SULT1E1: variants seen among roughly 807,000 people sequenced by gnomAD.
SULT1E1 encodes sulfotransferase family 1E member 1, also known as sulfotransferase 1E1.
SULT1E1 carries 36 observed loss-of-function variants against 33.6 expected under a neutral mutation model. The observed-to-expected ratio is 1.07, with a 90% CI of 0.82 to 1.41. The LOEUF (loss-of-function observed/expected upper bound fraction) is 1.41. SULT1E1 is among the 40% of genes most tolerant of loss of function. SULT1E1 has a pLI of 0.00. For synonymous variants in SULT1E1, 121 were observed against 111.7 expected (o/e 1.08, Z -0.53); for missense variants, 371 against 345.7 (o/e 1.07, Z -0.58).
chr4:69,857,656 G>GA lies in SULT1E1; in HGVS notation c.-9-4dup, dbSNP rs760367905. On this transcript the variant is annotated splice_region_variant and splice_polypyrimidine_tract_variant and intron_variant, in intron 1 of 7. Coordinates refer to ENST00000226444, the MANE Select transcript of SULT1E1 (RefSeq NM_005420.3). Reference sequence around the variant, plus strand: ...AGTTCAGAATTCATTGTGGTACACTGAAAAAAAACCTCTGCTTTATACTTT... The same window carrying GA: ...AGTTCAGAATTCATTGTGGTACACTGAAAAAAAAACCTCTGCTTTATACTTT... The GA allele has an allele frequency of 3.1e-5, 49 of 1,574,214 alleles. No homozygotes were observed. The highest frequency in any genetic ancestry group is 1.2e-4 in the Admixed American group (6 of 49,496).
intron 6 of SULT1E1, among the ~76,000 whole-genome samples, chr4:69,844,586 T>A (rs1389545135): frequency 3.3e-5 from 5 of 152,138 alleles, no homozygotes; most frequent in African/African-American, 1.2e-4. Context: ...TGTGAATGCT[T>A]ATTGTAGTCC....
chr4:69,852,002 A>C (rs556233378), intron 4 of SULT1E1, among the ~76,000 whole-genome samples: 2 of 152,264 alleles, frequency 1.3e-5, no homozygotes, highest in African/African-American at 2.4e-5. Context: ...GAGGGACAGC[A>C]TTAGAAGATA....
At chr4:69,854,110 C>T in intron 4 of SULT1E1, 107 bp downstream of exon 4, 1 of 685,668 alleles carries the variant, frequency 1.5e-6, no homozygotes, top group South Asian at 2.5e-5. Context: ...TGTTAAGTGT[C>T]TATAGATTCA....
the SULT1E1 span, among the ~76,000 whole-genome samples, chr4:69,834,991 T>C: frequency 6.6e-6 from 1 of 152,082 alleles, no homozygotes; most frequent in Admixed American, 6.6e-5. Context: ...AGTCAAAAAT[T>C]TTATATTCTT....
At chr4:69,833,488 T>C in the SULT1E1 span, among the ~76,000 whole-genome samples, 1 of 152,182 alleles carries the variant, frequency 6.6e-6, no homozygotes, top group South Asian at 2.1e-4. Flanking sequence ...GTCTGGTTCC[T>C]TCATAAACAA....
chr4:69,859,972 T>C (rs1156337510), intron 1 of SULT1E1, 77 bp downstream of exon 1: 2 of 152,052 alleles, frequency 1.3e-5, no homozygotes, highest in African/African-American at 2.4e-5. Flanking sequence ...TTTAAGAGCT[T>C]TGTAATACAT....
the SULT1E1 span, among the ~76,000 whole-genome samples, chr4:69,835,747 T>C: frequency 6.6e-6 from 1 of 152,226 alleles, no homozygotes; most frequent in Non-Finnish European, 1.5e-5. Context: ...ATACGTATCC[T>C]TGGGCAAATG....
the SULT1E1 span, among the ~76,000 whole-genome samples, chr4:69,827,192 G>A: frequency 6.6e-6 from 1 of 152,176 alleles, no homozygotes; most frequent in Non-Finnish European, 1.5e-5. Context: ...CACTTGGAGA[G>A]ATGTCATGCT....
intron 6 of SULT1E1, among the ~76,000 whole-genome samples, chr4:69,846,404 A>G (rs1382546932): frequency 2.7e-5 from 4 of 150,694 alleles, no homozygotes; most frequent in Non-Finnish European, 5.9e-5. Context: ...ATGAATCTCT[A>G]GACAACATAT....
intron 4 of SULT1E1, among the ~76,000 whole-genome samples, chr4:69,853,679 A>G (rs1034783138): frequency 1.3e-5 from 2 of 152,170 alleles, no homozygotes; most frequent in African/African-American, 4.8e-5. Flanking sequence ...CCATGAAGAC[A>G]AGGCTTGCAT....
At chr4:69,836,954 G>A (rs1720806606), downstream of SULT1E1, among the ~76,000 whole-genome samples, 1 of 152,130 alleles carries the variant, frequency 6.6e-6, no homozygotes, top group South Asian at 2.1e-4. Context: ...ATGGTAGCAT[G>A]TGCCTATAGT....
At chr4:69,838,822 A>G (rs995123670), downstream of SULT1E1, among the ~76,000 whole-genome samples, 4 of 152,158 alleles carry the variant, frequency 2.6e-5, no homozygotes, top group African/African-American at 7.2e-5. Flanking sequence ...CTCCACTCCA[A>G]AGTTACTCTT....
At chr4:69,821,454 G>C in the SULT1E1 span, among the ~76,000 whole-genome samples, 1 of 152,168 alleles carries the variant, frequency 6.6e-6, no homozygotes, top group Non-Finnish European at 1.5e-5. Flanking sequence ...ACACAGATAT[G>C]AAAGGGCTGG....
chr4:69,847,131 T>C (rs1720991971), intron 6 of SULT1E1, among the ~76,000 whole-genome samples: 1 of 151,826 alleles, frequency 6.6e-6, no homozygotes, highest in African/African-American at 2.4e-5. Flanking sequence ...AATAATTCAC[T>C]ATGTAGCCAT....
chr4:69,840,842 C>T (rs565646908), downstream of SULT1E1, among the ~76,000 whole-genome samples: 47 of 152,084 alleles, frequency 3.1e-4, no homozygotes, highest in East Asian at 8.7e-3. Flanking sequence ...GTCAGGAGAT[C>T]GAGACCATCC....
intron 3 of SULT1E1, 56 bp downstream of exon 3, chr4:69,855,245 T>C: frequency 1.3e-6 from 2 of 1,556,386 alleles, no homozygotes; most frequent in South Asian, 2.4e-5. Flanking sequence ...TTGTACCATG[T>C]ACATACACAC....
At chr4:69,827,377 C>T in the SULT1E1 span, among the ~76,000 whole-genome samples, 65 of 151,974 alleles carry the variant, frequency 4.3e-4, no homozygotes, top group Non-Finnish European at 3.4e-4. Flanking sequence ...ACTGGGACCT[C>T]GACTCAGATC....
At chr4:69,851,679 G>A (rs1410154174) in intron 4 of SULT1E1, among the ~76,000 whole-genome samples, 1 of 152,162 alleles carries the variant, frequency 6.6e-6, no homozygotes, top group East Asian at 1.9e-4. Context: ...GAACACGTAT[G>A]TTTATTGTGG....
Position 69,847,744 on chromosome 4 carries a change from C to A in SULT1E1, c.545G>T (p.Gly182Val), listed in dbSNP as rs779178976. The change falls in exon 6 of 8, where the codon GGA becomes GTA. Residue 182 changes from glycine to valine, a missense_variant. Gly to Val is a moderately radical substitution (Grantham distance 109). Coordinates refer to ENST00000226444, the MANE Select transcript of SULT1E1 (RefSeq NM_005420.3). ...AAGAAATAGTACACGTGGACTCTTT[C>A]CCTTTTCCCACCAAGATTTTACATG... ...YKHVKSWWEK[G>V]KSPRVLFLFY... 3 of 1,609,748 alleles carry A rather than the reference C, an allele frequency of 1.9e-6. No individual in the cohort carries two copies. In the Admixed American group the frequency reaches 5.0e-5, roughly 27 times the overall value.
Sources: gnomAD v4.1 joint callset for allele counts (sites outside exome capture counted in the v4.1 genomes callset) on GRCh38, gnomAD v4.1.1 for gene constraint, MANE v1.5 for transcripts, NCBI Gene and HGNC (gene_info 2026-07-23, HGNC 2026-07-21) for gene names.